The following SALL3 variants were observed in gnomAD, a reference collection of about 807,000 sequenced individuals.
The protein encoded by SALL3 is sal-like protein 3.
Under a neutral mutation model 66.2 loss-of-function variants are expected in SALL3, and 25 were observed. The ratio of observed to expected loss-of-function variants is 0.38; its 90% CI spans 0.28 to 0.53. The LOEUF (loss-of-function observed/expected upper bound fraction) is 0.53, where lower values mean the gene tolerates loss of function less well. Ranked by LOEUF, SALL3 falls within the 20% of genes least tolerant of loss-of-function variation. The pLI is 0.85. For missense variants in SALL3, 2,194 were observed against 1,916.5 expected (o/e 1.14, Z -2.70); for synonymous variants, 1,152 against 899.1 (o/e 1.28, Z -5.03).
At position 78,993,515 on chromosome 18, in the gene SALL3, C is replaced by T. The variant is rs1568294948; in HGVS notation, c.1524C>T (p.Pro508=). 1 of 1,600,986 alleles carries T rather than the reference C, an allele frequency of 6.2e-7. No individual in the cohort carries two copies. The highest frequency in any genetic ancestry group is 8.5e-7 in the Non-Finnish European group (1 of 1,175,738). Residue 508 remains proline (P), a synonymous_variant, in exon 2 of 3, where the codon CCC becomes CCT. Coordinates refer to ENST00000537592, the MANE Select transcript of SALL3 (RefSeq NM_171999.4). ...GCATGTCGCTGCCCCCCGAGAAGCC[C>T]GTGACCACCTGGCTGGACAGCAAGC... The part of the protein sequence containing the change: ...PYGMSLPPEK[P]VTTWLDSKPV...
chr18:78,981,127 G>A (rs904860298), intron 1 of SALL3, among the ~76,000 whole-genome samples: 3 of 152,220 alleles, frequency 2.0e-5, no homozygotes, highest in African/African-American at 7.2e-5. Flanking sequence ...CGTCCTCTTC[G>A]AAACATCCAA....
At chr18:78,983,303 AAATT>A (rs1241665838) in intron 1 of SALL3, among the ~76,000 whole-genome samples, 2 of 152,234 alleles carry the variant, frequency 1.3e-5, no homozygotes, top group Non-Finnish European at 2.9e-5. Context: ...GTTCTAAGAA[AAATT>A]AATTAAAACT....
In SALL3 at chr18:78,998,487, C is replaced by T. The variant is rs1413074562; in HGVS notation, c.*1165C>T. ...ATTAAAATGATTTATTTAACTTTTC[C>T]ACAAAGCCCACTTTAAAACTGTGAC... is the stretch of plus-strand genomic sequence containing the variant. On this transcript the variant is annotated 3_prime_UTR_variant, in exon 3 of 3. Coordinates refer to ENST00000537592, the MANE Select transcript of SALL3 (RefSeq NM_171999.4). The T allele has an allele frequency of 1.3e-5, 2 of 152,124 alleles. No homozygotes were observed. The highest frequency in any genetic ancestry group is 6.6e-5 in the Admixed American group (1 of 15,266). The allele number at this position is 152,124 out of a possible 1,614,324, so 9.4% of individuals were successfully genotyped here.
chr18:78,981,638 C>A (rs918943568), intron 1 of SALL3, among the ~76,000 whole-genome samples: 2 of 152,002 alleles, frequency 1.3e-5, no homozygotes, highest in Non-Finnish European at 2.9e-5. Context: ...CTTTTTGTTG[C>A]GGTGGAGGTA....
In SALL3 at chr18:78,993,136, C is replaced by T. The variant is rs755206153; in HGVS notation, c.1145C>T (p.Ala382Val). The T allele has an allele frequency of 6.2e-7, 1 of 1,605,684 alleles. No individual in the cohort carries two copies. The highest frequency in any genetic ancestry group is 2.2e-5 in the East Asian group (1 of 44,578). The stretch of plus-strand genomic sequence containing the variant: ...CCCAACCCGCTGGTCAGCATCGCGG[C>T]CACGGCCAACGCTCTGGACCCGCTG... ...IFPNPLVSIA[A>V]TANALDPLSA... The change falls in exon 2 of 3, where the codon GCC becomes GTC. Residue 382 changes from alanine to valine, a missense_variant. Transcript: ENST00000537592.
chr18:78,988,907 C>G (rs1914337012), intron 1 of SALL3, among the ~76,000 whole-genome samples: 1 of 152,134 alleles, frequency 6.6e-6, no homozygotes, highest in Admixed American at 6.5e-5. Flanking sequence ...AGTCAAAAGC[C>G]AAATTTATTA....
At position 78,979,866 on chromosome 18, in the gene SALL3, C is replaced by T. The variant is rs1377971825; in HGVS notation, c.-409C>T. ...GCCAAAGTTTGCTGCCTGCGCCCTG[C>T]GGAGGGACGGCCACCGCGGCCCGCG... On this transcript the variant is annotated 5_prime_UTR_variant, in exon 1 of 3. Coordinates refer to ENST00000537592, the MANE Select transcript of SALL3 (RefSeq NM_171999.4). Among the ~76,000 whole-genome samples, 2 of 144,226 alleles carry T rather than the reference C, an allele frequency of 1.4e-5. No homozygotes were observed. Among genetic ancestry groups the T allele is most frequent in the African/African-American group, 5.0e-5 (2 of 40,270 alleles). The allele number at this position is 144,226 out of a possible 152,430, so 94.6% of individuals were successfully genotyped here.
Position 78,994,120 on chromosome 18 carries a change from A to T in SALL3, c.2129A>T (p.Lys710Met), listed in dbSNP as rs771216735. 1.2e-6 allele frequency: 2 copies of T among 1,612,844 alleles called. No individual in the cohort carries two copies. The highest frequency in any genetic ancestry group is 2.2e-5 in the South Asian group (2 of 91,072). The change falls in exon 2 of 3, where the codon AAG (lysine) becomes ATG (methionine). Residue 710 changes from lysine to methionine, a missense_variant. Lys to Met is a moderately conservative substitution (Grantham distance 95, BLOSUM62 -1). Transcript: ENST00000537592. ...ACGGGGGAGCGGCCGTTCAAGTGCA[A>T]GATCTGCGGCCGCGCCTTCACCACC... ...THTGERPFKCKICGRAFTTKG... is the reference protein window; with the variant it reads ...THTGERPFKCMICGRAFTTKG...
rs866508648 is a variant in SALL3 at position 78,979,884 on chromosome 18, G to C, written c.-391G>C. ...CGCCCTGCGGAGGGACGGCCACCGC[G>C]GCCCGCGCCGCACCCGGGCCCCGCC... is the stretch of plus-strand genomic sequence containing the variant. On this transcript the variant is annotated 5_prime_UTR_variant, in exon 1 of 3. Transcript: ENST00000537592. Among the ~76,000 whole-genome samples the C allele has an allele frequency of 1.4e-3, 201 of 144,846 alleles. 1 individual carries two copies. The Middle Eastern group carries it at 0.014, about 10-fold the overall frequency.
chr18:78,987,980 C>G (rs1276964819), intron 1 of SALL3, among the ~76,000 whole-genome samples: 1 of 151,656 alleles, frequency 6.6e-6, no homozygotes, highest in Non-Finnish European at 1.5e-5. Flanking sequence ...GCCCCTTAAA[C>G]AAAGAGAGGA....
At position 78,992,240 on chromosome 18, in the gene SALL3, C is replaced by G. The variant is rs375070554; in HGVS notation, c.249C>G (p.His83Gln). ...AGCTCCCGCCCGTGCTGATCGTGCA[C>G]GAGGACGCGCCCGCGCCGCCCCCCG... is the stretch of plus-strand genomic sequence containing the variant. The part of the protein sequence containing the change: ...CTKLPPVLIV[H>Q]EDAPAPPPED... The change falls in exon 2 of 3, where the codon CAC becomes CAG. Residue 83 changes from histidine (H) to glutamine (Q), a missense_variant. By Grantham distance (24) the His-to-Gln change is conservative (BLOSUM62 0). Coordinates refer to ENST00000537592, the MANE Select transcript of SALL3 (RefSeq NM_171999.4). 5.6e-6 allele frequency: 9 copies of G among 1,593,500 alleles called. No individual in the cohort carries two copies. Among genetic ancestry groups the G allele is most frequent in the South Asian group, 2.2e-5 (2 of 89,496 alleles).
At position 78,997,208 on chromosome 18, in the gene SALL3, A is replaced by C. The variant is rs1433483808; in HGVS notation, c.3789A>C (p.Ala1263=). The C allele has an allele frequency of 6.2e-7, 1 of 1,614,020 alleles. No homozygotes were observed. Residue 1263 remains alanine, a synonymous_variant, in exon 3 of 3, where the codon GCA becomes GCC. Transcript: ENST00000537592. ...LGSMASGMDK[A]RTGSSPPIVS... Reference sequence around the variant, plus strand: ...GCATGGCCAGTGGGATGGACAAAGCACGCACTGGCAGTAGCCCACCCATCG... The same window carrying C: ...GCATGGCCAGTGGGATGGACAAAGCCCGCACTGGCAGTAGCCCACCCATCG...
intron 1 of SALL3, among the ~76,000 whole-genome samples, chr18:78,986,760 CT>C (rs1914259736): frequency 6.6e-6 from 1 of 152,184 alleles, no homozygotes; most frequent in Admixed American, 6.5e-5. Flanking sequence ...AATTCTGCTT[CT>C]CTTGTTCATT....
rs759053644 is a variant in SALL3, at chr18:78,993,169, T to C, written c.1178T>C (p.Leu393Pro). The C allele has an allele frequency of 1.6e-5, 26 of 1,608,822 alleles. No homozygotes were observed. The East Asian group carries it at 5.1e-4, about 32-fold the overall frequency. Residue 393 changes from leucine (L) to proline (P), a missense_variant, in exon 2 of 3, where the codon CTC becomes CCC. By Grantham distance (98) the Leu-to-Pro change is moderately conservative (BLOSUM62 -3). Transcript: ENST00000537592. ...TANALDPLSALMKHRKGKPPN... is the reference protein window; with the variant it reads ...TANALDPLSAPMKHRKGKPPN... Reference sequence around the variant, plus strand: ...AACGCTCTGGACCCGCTGTCCGCGCTCATGAAGCACCGCAAGGGCAAGCCG... The same window carrying C: ...AACGCTCTGGACCCGCTGTCCGCGCCCATGAAGCACCGCAAGGGCAAGCCG...
intron 2 of SALL3, 142 bp downstream of exon 2, chr18:78,995,604 G>A (rs1914664141): frequency 1.5e-6 from 2 of 1,329,850 alleles, no homozygotes; most frequent in Non-Finnish European, 2.0e-6. Context: ...GTGGGTGTGT[G>A]TGCGTGATGT....
chr18:78,995,375 G>A lies in SALL3; in HGVS notation c.3384G>A (p.Leu1128=). The A allele has an allele frequency of 1.3e-6, 2 of 1,583,814 alleles. No homozygotes were observed. The highest frequency in any genetic ancestry group is 8.5e-7 in the Non-Finnish European group (1 of 1,172,980). The change falls in exon 2 of 3, where the codon CTG becomes CTA. Residue 1128 remains leucine, a synonymous_variant. Transcript: ENST00000537592. ...AGACCTTCTCCTCGGCCAGCGCCCTGCAGATCCATGAGCGCACGCACACCG... is the reference window on the plus strand; with the variant it reads ...AGACCTTCTCCTCGGCCAGCGCCCTACAGATCCATGAGCGCACGCACACCG... ...CGKTFSSASA[L]QIHERTHTGE... is the part of the protein sequence containing the mutation.
Position 78,993,244 on chromosome 18 carries a change from T to G in SALL3, c.1253T>G (p.Phe418Cys), listed in dbSNP as rs1488612382. ...AAAGCCAGCGCCGAGGACCCGTTCT[T>G]CAAGCACAAATGCCGCTTCTGCGCC... Reference protein sequence around the residue: ...EPKASAEDPFFKHKCRFCAKV... With the variant: ...EPKASAEDPFCKHKCRFCAKV... Residue 418 changes from phenylalanine (F) to cysteine (C), a missense_variant, in exon 2 of 3, where the codon TTC (phenylalanine) becomes TGC (cysteine). Phe to Cys is a radical substitution (Grantham distance 205, BLOSUM62 -2). Transcript: ENST00000537592. 6.2e-7 allele frequency: 1 copy of G among 1,610,914 alleles called. No homozygotes were observed. Among genetic ancestry groups the G allele is most frequent in the Non-Finnish European group, 8.5e-7 (1 of 1,179,742 alleles).
rs1399065840 is a variant in SALL3, at chr18:78,994,029, C to G, written c.2038C>G (p.Gln680Glu). Residue 680 changes from glutamine to glutamate, a missense_variant, in exon 2 of 3, where the codon CAG becomes GAG. Physicochemically the swap from Gln to Glu is conservative, Grantham distance 29. Coordinates refer to ENST00000537592, the MANE Select transcript of SALL3 (RefSeq NM_171999.4). ...NIDKKMTDPN[Q>E]CVICHRVLSC... ...CGACAAGAAGATGACGGACCCGAAC[C>G]AGTGCGTCATCTGCCACCGGGTGCT... 3 of 1,612,710 alleles carry G rather than the reference C, an allele frequency of 1.9e-6. No homozygotes were observed. Among genetic ancestry groups the G allele is most frequent in the East Asian group, 2.2e-5 (1 of 44,878 alleles).
Position 78,979,886 on chromosome 18 carries a change from C to A in SALL3, c.-389C>A, listed in dbSNP as rs1339887405. Among the ~76,000 whole-genome samples the A allele has an allele frequency of 6.9e-6, 1 of 145,122 alleles. No individual in the cohort carries two copies. Among genetic ancestry groups the A allele is most frequent in the East Asian group, 2.0e-4 (1 of 4,942 alleles). On this transcript the variant is annotated 5_prime_UTR_variant, in exon 1 of 3. Coordinates refer to ENST00000537592, the MANE Select transcript of SALL3 (RefSeq NM_171999.4). Reference sequence around the variant, plus strand: ...CCCTGCGGAGGGACGGCCACCGCGGCCCGCGCCGCACCCGGGCCCCGCCAC... The same window carrying A: ...CCCTGCGGAGGGACGGCCACCGCGGACCGCGCCGCACCCGGGCCCCGCCAC...
Sources: allele counts gnomAD v4.1 joint callset (sites outside exome capture counted in the v4.1 genomes callset), GRCh38; gene constraint gnomAD v4.1.1; transcripts MANE v1.5; gene names NCBI Gene and HGNC (gene_info 2026-07-23, HGNC 2026-07-21).